The following ATAD5 variants were observed in gnomAD, a reference collection of about 807,000 sequenced individuals.
ATAD5 encodes ATPase family AAA domain containing 5.
Under a neutral mutation model 176.9 loss-of-function variants are expected in ATAD5, and 58 were observed. The ratio of observed to expected loss-of-function variants is 0.33; its 90% confidence interval spans 0.27 to 0.41. The LOEUF is 0.41. Among genes scored for constraint, ATAD5 ranks in the 10% least tolerant of loss-of-function variants. The probability of loss-of-function intolerance (pLI) is 1.00; values close to 1 mark genes in which losing one functional copy is unlikely to be tolerated. For missense variants in ATAD5, 1,789 were observed against 2,094.1 expected (o/e 0.85, Z 2.84); for synonymous variants, 640 against 712.6 (o/e 0.90, Z 1.62).
At chr17:30,873,463 G>A (rs527744957) in intron 14 of ATAD5, among the ~76,000 whole-genome samples, 3 of 151,828 alleles carry the variant, frequency 2.0e-5, no homozygotes, top group South Asian at 2.1e-4. Context: ...GACTACAGGT[G>A]TGCGCCACCA....
intron 14 of ATAD5, among the ~76,000 whole-genome samples, chr17:30,873,322 T>C (rs972183014): frequency 1.4e-5 from 2 of 145,086 alleles, no homozygotes; most frequent in African/African-American, 5.0e-5. Flanking sequence ...TTCTTTTTCT[T>C]TTTTTTTTTT....
chr17:30,833,887 G>A (rs1485098843), intron 1 of ATAD5, among the ~76,000 whole-genome samples: 1 of 152,058 alleles, frequency 6.6e-6, no homozygotes, highest in Non-Finnish European at 1.5e-5. Context: ...TCACCACGTT[G>A]GCCAGGCTGG....
chr17:30,861,280 C>T (rs189545845), intron 10 of ATAD5, among the ~76,000 whole-genome samples: 62 of 147,910 alleles, frequency 4.2e-4, no homozygotes, highest in Non-Finnish European at 3.7e-4. Context: ...GAAATATTAA[C>T]ATCTTCCATT....
intron 18 of ATAD5, among the ~76,000 whole-genome samples, chr17:30,881,110 A>C (rs1908991348): frequency 6.6e-6 from 1 of 151,144 alleles, no homozygotes; most frequent in Non-Finnish European, 1.5e-5. Flanking sequence ...ATTCTTCTAA[A>C]AAAAAAAAGT....
Position 30,894,832 on chromosome 17 carries a change from C to CA in ATAD5, c.5457-2dup. ...ATTGTATTTTTCTTTGTAATTTTGA[C>CA]AGATTCCTGCACTATTTTGAAGGAA... On this transcript the variant is annotated splice_polypyrimidine_tract_variant and splice_region_variant and intron_variant, in intron 22 of 22. Transcript: ENST00000321990. The CA allele has an allele frequency of 6.3e-7, 1 of 1,579,966 alleles. No individual in the cohort carries two copies. Among genetic ancestry groups the CA allele is most frequent in the Non-Finnish European group, 8.6e-7 (1 of 1,169,374 alleles).
intron 6 of ATAD5, among the ~76,000 whole-genome samples, chr17:30,848,716 C>T (rs1030704490): frequency 1.3e-5 from 2 of 152,080 alleles, no homozygotes; most frequent in South Asian, 4.1e-4. Context: ...CCCAGGCAAA[C>T]GCTAGTCTCT....
chr17:30,848,756 A>T (rs746167889), intron 6 of ATAD5, among the ~76,000 whole-genome samples: 1 of 152,100 alleles, frequency 6.6e-6, no homozygotes, highest in Non-Finnish European at 1.5e-5. Context: ...ATTTTCTAGA[A>T]TTTTATATTA....
At chr17:30,883,124 A>ATTTTT (rs869117449) in intron 18 of ATAD5, among the ~76,000 whole-genome samples, 1 of 137,412 alleles carries the variant, frequency 7.3e-6, no homozygotes, top group Admixed American at 7.4e-5. Flanking sequence ...TAAACACCAG[A>ATTTTT]TTTTTTTTTT....
chr17:30,895,216 TTTATA>T lies in ATAD5; in HGVS notation c.*310_*314del, dbSNP rs1222298683. On this transcript the variant is annotated 3_prime_UTR_variant, in exon 23 of 23. Transcript: ENST00000321990. ...TAAGATGAACTCCCTATTTCAAGTG[TTTATA>T]TTATATATTAGCTTAATATTCAGAT... The T allele has an allele frequency of 3.0e-5, 6 of 202,094 alleles. No homozygotes were observed. The highest frequency in any genetic ancestry group is 4.9e-5 in the Non-Finnish European group (5 of 101,134). The allele number at this position is 202,094 out of a possible 1,614,324, so 12.5% of individuals were successfully genotyped here.
At chr17:30,850,739 G>A (rs1906828968) in intron 6 of ATAD5, among the ~76,000 whole-genome samples, 1 of 147,626 alleles carries the variant, frequency 6.8e-6, no homozygotes, top group Non-Finnish European at 1.5e-5. Context: ...GGACATAAAG[G>A]TTTGGAAGGG....
intron 6 of ATAD5, among the ~76,000 whole-genome samples, chr17:30,850,851 ATATATATATATATATATATTTTTTTTTT>A (rs1906868675): frequency 6.3e-5 from 3 of 47,888 alleles, no homozygotes; most frequent in Admixed American, 2.5e-4. Flanking sequence ...ATATATATAT[ATATATATATATATATATATTTTTTTTTT>A]TTTTTTTTTT....
At chr17:30,859,567 G>C (rs543785327) in intron 9 of ATAD5, among the ~76,000 whole-genome samples, 11 of 151,812 alleles carry the variant, frequency 7.2e-5, no homozygotes, top group African/African-American at 2.4e-4. Flanking sequence ...CACCATGTTG[G>C]TCAGGCTGGT....
chr17:30,858,305 G>A lies in ATAD5; in HGVS notation c.2938G>A (p.Glu980Lys), dbSNP rs770165831. ...AATTGAGCACCAAGTACTTTCTTCC[G>A]AGTGTCATAGTAAACAAGGTTAGTG... ...KQIEHQVLSS[E>K]CHSKQELEAD... The change falls in exon 9 of 23, where the codon GAG becomes AAG. Residue 980 changes from glutamate to lysine, a missense_variant. Glu to Lys is a moderately conservative substitution (Grantham distance 56). Around this residue, in one of 6 missense-constraint regions of ATAD5, gnomAD observed 487 missense variants for 573.6 expected, o/e 0.85. Coordinates refer to ENST00000321990, the MANE Select transcript of ATAD5 (RefSeq NM_024857.5). The A allele has an allele frequency of 1.7e-5, 26 of 1,545,624 alleles. No individual in the cohort carries two copies. Among genetic ancestry groups the A allele is most frequent in the South Asian group, 5.2e-5 (4 of 77,568 alleles).
intron 6 of ATAD5, among the ~76,000 whole-genome samples, chr17:30,852,559 T>C (rs1490243443): frequency 6.6e-6 from 1 of 152,164 alleles, no homozygotes; most frequent in East Asian, 1.9e-4. Flanking sequence ...TAAGACTCGG[T>C]AATTTATAGA....
At chr17:30,879,680 A>G (rs988491530) in intron 18 of ATAD5, among the ~76,000 whole-genome samples, 193 bp downstream of exon 18, 1 of 151,094 alleles carries the variant, frequency 6.6e-6, no homozygotes, top group Non-Finnish European at 1.5e-5. Context: ...CTCCTGCCTC[A>G]GCCTCCGAAG....
At chr17:30,838,807 C>A (rs1450055473) in intron 3 of ATAD5, among the ~76,000 whole-genome samples, 1 of 152,106 alleles carries the variant, frequency 6.6e-6, no homozygotes, top group African/African-American at 2.4e-5. Context: ...TTAAATGTAT[C>A]CAAATTGGGA....
chr17:30,846,662 A>G (rs2142332706), intron 6 of ATAD5, among the ~76,000 whole-genome samples: 1 of 151,652 alleles, frequency 6.6e-6, no homozygotes, highest in East Asian at 1.9e-4. Flanking sequence ...TGGCCTCCCA[A>G]AGTGCTGGGA....
intron 6 of ATAD5, among the ~76,000 whole-genome samples, chr17:30,854,440 C>T (rs557115318): frequency 3.7e-5 from 5 of 133,734 alleles, no homozygotes; most frequent in African/African-American, 1.1e-4. Flanking sequence ...GGCATGATCT[C>T]GGCTCCCTGT....
intron 4 of ATAD5, among the ~76,000 whole-genome samples, chr17:30,841,213 T>C (rs1906093001): frequency 6.6e-6 from 1 of 152,114 alleles, no homozygotes; most frequent in African/African-American, 2.4e-5. Flanking sequence ...TTCACAGTGA[T>C]TGGCCAGGCT....
Sources: allele counts gnomAD v4.1 joint callset (sites outside exome capture counted in the v4.1 genomes callset), GRCh38; gene constraint gnomAD v4.1.1; regional missense constraint gnomAD v4.1.1; transcripts MANE v1.5; gene names NCBI Gene and HGNC (gene_info 2026-07-23, HGNC 2026-07-21).